The following BCAR3 variants were observed in gnomAD, a reference collection of about 807,000 sequenced individuals.
The protein encoded by BCAR3 is breast cancer anti-estrogen resistance protein 3.
A neutral mutation model predicts 80.1 loss-of-function variants in BCAR3; 37 were observed. The observed-to-expected ratio is 0.46, with a 90% CI of 0.36 to 0.61. The LOEUF (loss-of-function observed/expected upper bound fraction) is 0.61. BCAR3 is among the 20% of genes least tolerant of loss of function. BCAR3 has a pLI of 0.00. For synonymous variants in BCAR3, 389 were observed against 418.9 expected, an observed-to-expected ratio of 0.93 and a Z score of 0.87; for missense variants, 978 against 1,068.2, an observed-to-expected ratio of 0.92 and a Z score of 1.18.
At chr1:93,617,146 A>G (rs1188543860) in intron 3 of BCAR3, among the ~76,000 whole-genome samples, 1 of 152,222 alleles carries the variant, frequency 6.6e-6, no homozygotes, top group African/African-American at 2.4e-5. Flanking sequence ...AGCCATATTC[A>G]GCAGACACAT....
intron 3 of BCAR3, among the ~76,000 whole-genome samples, chr1:93,616,037 C>G (rs1292584121): frequency 7.2e-5 from 11 of 152,174 alleles, no homozygotes; most frequent in Non-Finnish European, 1.6e-4. Context: ...AAGTAATATG[C>G]AAATAACTCA....
rs567317818 is a variant in BCAR3 at position 93,844,188 on chromosome 1, T to C, written c.-63+1379A>G. On this transcript the variant is annotated intron_variant, in intron 2 of 13. Transcript: ENST00000370244. Reference sequence around the variant, plus strand: ...CGGGTGTGGTGGCACGTGCCTGTAATCCCAGCTACTTAGGAGGCTGAGGCA... The same window carrying C: ...CGGGTGTGGTGGCACGTGCCTGTAACCCCAGCTACTTAGGAGGCTGAGGCA... Among the ~76,000 whole-genome samples the C allele has an allele frequency of 5.3e-5, 8 of 152,282 alleles. No homozygotes were observed. In the East Asian group the frequency reaches 1.5e-3, roughly 29 times the overall value.
At chr1:93,744,596 A>G (rs533535292) in intron 2 of BCAR3, among the ~76,000 whole-genome samples, 2 of 152,350 alleles carry the variant, frequency 1.3e-5, no homozygotes, top group East Asian at 3.9e-4. Flanking sequence ...AGCTAGAAGC[A>G]TCCTGAGCTT....
intron 3 of BCAR3, among the ~76,000 whole-genome samples, chr1:93,626,869 G>C (rs1675470583): frequency 1.3e-5 from 2 of 152,214 alleles, no homozygotes; most frequent in South Asian, 4.1e-4. Context: ...CAATTGAATT[G>C]TGGGCTCAAC....
chr1:93,675,145 G>C (rs1477937277), intron 1 of BCAR3, among the ~76,000 whole-genome samples: 1 of 152,154 alleles, frequency 6.6e-6, no homozygotes, highest in Non-Finnish European at 1.5e-5. Context: ...TCCTACATAG[G>C]AATTGTCCTG....
chr1:93,717,280 GC>G (rs1286918052), intron 2 of BCAR3, among the ~76,000 whole-genome samples: 1 of 152,156 alleles, frequency 6.6e-6, no homozygotes, highest in Non-Finnish European at 1.5e-5. Context: ...CCAGAAGGAG[GC>G]CCAGCTGAGC....
chr1:93,829,022 C>T (rs558786543), intron 2 of BCAR3, among the ~76,000 whole-genome samples: 22 of 152,168 alleles, frequency 1.4e-4, no homozygotes, highest in Admixed American at 5.2e-4. Flanking sequence ...TGGACACACA[C>T]GAGGAGTGGG....
At chr1:93,589,523 T>C (rs1674087253) in intron 4 of BCAR3, 104 bp from the exon 5 acceptor site, 2 of 965,410 alleles carry the variant, frequency 2.1e-6, no homozygotes, top group South Asian at 1.7e-5. Context: ...ACAATGCTAC[T>C]ATGTCTCTTC....
At chr1:93,837,409 T>C (rs1654811239) in intron 2 of BCAR3, among the ~76,000 whole-genome samples, 1 of 152,160 alleles carries the variant, frequency 6.6e-6, no homozygotes, top group Admixed American at 6.5e-5. Context: ...ATGCACCTTC[T>C]TTCTTCTTCC....
chr1:93,653,242 T>C (rs763924897), intron 2 of BCAR3, among the ~76,000 whole-genome samples: 1 of 152,232 alleles, frequency 6.6e-6, no homozygotes, highest in Non-Finnish European at 1.5e-5. Context: ...TTTTTAGATA[T>C]AACAAAATGG....
intron 2 of BCAR3, among the ~76,000 whole-genome samples, chr1:93,775,926 T>C (rs1652530191): frequency 6.6e-6 from 1 of 152,196 alleles, no homozygotes; most frequent in Admixed American, 6.5e-5. Flanking sequence ...TGAATTTTCT[T>C]TTTGACTCTG....
intron 2 of BCAR3, among the ~76,000 whole-genome samples, chr1:93,808,042 TAAA>T (rs149951325): frequency 2.7e-4 from 37 of 138,930 alleles, no homozygotes; most frequent in African/African-American, 9.3e-4. Flanking sequence ...TTTTTTTTTT[TAAA>T]AAAAAAAAAA....
chr1:93,821,203 G>A (rs1173916289), intron 2 of BCAR3, among the ~76,000 whole-genome samples: 3 of 152,048 alleles, frequency 2.0e-5, no homozygotes, highest in African/African-American at 4.8e-5. Flanking sequence ...AGGGTAAATC[G>A]GCTGTCCTCC....
At chr1:93,737,391 A>G (rs1004227926) in intron 2 of BCAR3, among the ~76,000 whole-genome samples, 9 of 152,166 alleles carry the variant, frequency 5.9e-5, no homozygotes, top group African/African-American at 1.9e-4. Flanking sequence ...TATATAAGAA[A>G]GAGGAGAGAG....
At chr1:93,613,286 T>C (rs1413193161) in intron 3 of BCAR3, among the ~76,000 whole-genome samples, 1 of 152,232 alleles carries the variant, frequency 6.6e-6, no homozygotes, top group Non-Finnish European at 1.5e-5. Context: ...TTCATCAAAA[T>C]AGTGTATTGA....
At chr1:93,614,193 C>T in intron 3 of BCAR3, 1 of 1,237,168 alleles carries the variant, frequency 8.1e-7, no homozygotes, top group South Asian at 2.7e-5. Context: ...CAGAAATTCT[C>T]ATGTGACCAG....
At chr1:93,840,750 G>A (rs955891545) in intron 2 of BCAR3, among the ~76,000 whole-genome samples, 3 of 152,188 alleles carry the variant, frequency 2.0e-5, no homozygotes, top group African/African-American at 4.8e-5. Flanking sequence ...CCAAGCCTTG[G>A]GGAGAATTAC....
At chr1:93,779,915 C>T (rs1652710073) in intron 2 of BCAR3, among the ~76,000 whole-genome samples, 1 of 152,120 alleles carries the variant, frequency 6.6e-6, no homozygotes, top group African/African-American at 2.4e-5. Flanking sequence ...ACCAGCTAAT[C>T]CTAGGTGACT....
chr1:93,651,919 C>T (rs1484984366), intron 2 of BCAR3, among the ~76,000 whole-genome samples: 3 of 152,216 alleles, frequency 2.0e-5, no homozygotes, highest in Non-Finnish European at 4.4e-5. Context: ...ACCGGGTTCC[C>T]CATGTCAACA....
Sources: allele counts gnomAD v4.1 joint callset (sites outside exome capture counted in the v4.1 genomes callset), GRCh38; gene constraint gnomAD v4.1.1; transcripts MANE v1.5; gene names NCBI Gene and HGNC (gene_info 2026-07-23, HGNC 2026-07-21).